The following AKAP13 variants were observed in gnomAD, a reference collection of about 807,000 sequenced individuals.
The protein encoded by AKAP13 is A-kinase anchor protein 13.
AKAP13 carries 80 observed loss-of-function variants against 264.5 expected under a neutral mutation model. That is an observed-to-expected ratio of 0.30 (90% CI 0.25 to 0.36). The LOEUF is 0.36. Among genes scored for constraint, AKAP13 ranks in the 10% least tolerant of loss-of-function variants. The pLI is 1.00. For synonymous variants in AKAP13, 1,380 were observed against 1,250.2 expected, an observed-to-expected ratio of 1.10 and a Z score of -2.19; for missense variants, 3,712 against 3,435.2, an observed-to-expected ratio of 1.08 and a Z score of -2.01.
chr15:85,439,538 T>C (rs370090092), intron 1 of AKAP13, among the ~76,000 whole-genome samples: 4 of 149,338 alleles, frequency 2.7e-5, no homozygotes, highest in Non-Finnish European at 4.5e-5. Flanking sequence ...TATTGCGGCA[T>C]TATTCACAAT....
intron 12 of AKAP13, chr15:85,662,524 G>C: frequency 6.3e-7 from 1 of 1,580,052 alleles, no homozygotes; most frequent in Non-Finnish European, 8.7e-7. Context: ...TTTTGGCTTG[G>C]AGCTGGCTTC....
At chr15:85,556,315 G>A (rs1221654610) in intron 5 of AKAP13, among the ~76,000 whole-genome samples, 2 of 152,146 alleles carry the variant, frequency 1.3e-5, no homozygotes, top group Non-Finnish European at 2.9e-5. Context: ...TGGCAGCACA[G>A]TAGGTTTGCT....
At chr15:85,650,783 A>AAAAAAAAAAAAAAAAAAAAAAAAAAAAT (rs2082786821) in intron 10 of AKAP13, among the ~76,000 whole-genome samples, 1 of 142,260 alleles carries the variant, frequency 7.0e-6, no homozygotes, top group Non-Finnish European at 1.5e-5. Context: ...AAAAAAAAAA[A>AAAAAAAAAAAAAAAAAAAAAAAAAAAAT]AAAAAAACAA....
intron 5 of AKAP13, among the ~76,000 whole-genome samples, chr15:85,546,321 A>AACAC (rs60271542): frequency 0.064 from 9,346 of 145,148 alleles, 368 homozygotes; most frequent in Middle Eastern, 0.077. Flanking sequence ...GTTGTTACCA[A>AACAC]ACACACACAC....
At chr15:85,503,620 G>GTTTGC (rs2076097600) in intron 2 of AKAP13, among the ~76,000 whole-genome samples, 1 of 152,210 alleles carries the variant, frequency 6.6e-6, no homozygotes, top group Admixed American at 6.5e-5. Flanking sequence ...AAACCTGATG[G>GTTTGC]ACTCATGGAA....
chr15:85,706,917 C>T (rs2086305888), intron 17 of AKAP13, among the ~76,000 whole-genome samples: 1 of 152,184 alleles, frequency 6.6e-6, no homozygotes, highest in East Asian at 1.9e-4. Flanking sequence ...CTAGCAGTCT[C>T]CTTTCTGGTT....
At chr15:85,709,085 G>C (rs567000562) in intron 18 of AKAP13, among the ~76,000 whole-genome samples, 21 of 152,288 alleles carry the variant, frequency 1.4e-4, no homozygotes, top group African/African-American at 4.8e-4. Context: ...TTTGGCTCAT[G>C]TAGTATTTTT....
chr15:85,623,632 C>G (rs976714480), intron 8 of AKAP13, among the ~76,000 whole-genome samples: 1 of 152,200 alleles, frequency 6.6e-6, no homozygotes. Flanking sequence ...CTCTTCTGTC[C>G]CATCATCAAC....
chr15:85,442,514 A>ATATAT (rs1299134361), intron 1 of AKAP13, among the ~76,000 whole-genome samples: 3 of 111,450 alleles, frequency 2.7e-5, no homozygotes, highest in African/African-American at 9.9e-5. Context: ...TATATATAAT[A>ATATAT]TATATTATAT....
Position 85,693,456 on chromosome 15 carries a change from G to A in AKAP13, c.5464+5G>A. On this transcript the variant is annotated splice_donor_5th_base_variant and intron_variant, in intron 17 of 36. Coordinates refer to ENST00000394518, the MANE Select transcript of AKAP13 (RefSeq NM_007200.5). ...AAGATGCCTATACTTGTGCAAGTAA[G>A]AGACATGCTTCTTCCTCTCGTAAGA... 1 of 1,611,022 alleles carries A rather than the reference G, an allele frequency of 6.2e-7. No homozygotes were observed. Among genetic ancestry groups the A allele is most frequent in the Non-Finnish European group, 8.5e-7 (1 of 1,179,232 alleles).
At chr15:85,617,080 G>T (rs1237893014) in intron 8 of AKAP13, among the ~76,000 whole-genome samples, 2 of 152,142 alleles carry the variant, frequency 1.3e-5, no homozygotes, top group African/African-American at 4.8e-5. Context: ...TTTGAAACAA[G>T]TTTCTCTCTC....
At chr15:85,702,737 T>C (rs1299809270) in intron 17 of AKAP13, 2 of 152,236 alleles carry the variant, frequency 1.3e-5, no homozygotes, top group African/African-American at 2.4e-5. Flanking sequence ...GGACTTTTTA[T>C]CTCAGCCAAA....
At position 85,538,513 on chromosome 15, in the gene AKAP13, G is replaced by A. The variant is rs1418186006; in HGVS notation, c.478+4633G>A. 1.3e-4 allele frequency among the ~76,000 whole-genome samples: 19 copies of A among 144,946 alleles called. No individual in the cohort carries two copies. The East Asian group carries it at 3.4e-3, about 26-fold the overall frequency. ...TTCTTTTTTTTTTTTTTTTTGAGAC[G>A]GAGTCTCGCTCTGTCGCCCAGGCTG... is the stretch of plus-strand genomic sequence containing the variant. On this transcript the variant is annotated intron_variant, in intron 4 of 36. Coordinates refer to ENST00000394518, the MANE Select transcript of AKAP13 (RefSeq NM_007200.5).
chr15:85,743,888 A>G (rs1057491958), intron 36 of AKAP13, 63 bp downstream of exon 36: 2 of 1,525,514 alleles, frequency 1.3e-6, no homozygotes, highest in Non-Finnish European at 1.8e-6. Flanking sequence ...GAGAGGGTAG[A>G]TTTTAGTGGC....
rs1056376919 is a variant in AKAP13 at position 85,465,683 on chromosome 15, T to C, written c.-11-20027T>C. ...CATGTCCCTACAAAGGACATGAACTTATCATTTTTTATGGCCGCATAGTAT... is the reference window on the plus strand; with the variant it reads ...CATGTCCCTACAAAGGACATGAACTCATCATTTTTTATGGCCGCATAGTAT... On this transcript the variant is annotated intron_variant, in intron 1 of 36. Coordinates refer to ENST00000394518, the MANE Select transcript of AKAP13 (RefSeq NM_007200.5). 1.1e-4 allele frequency among the ~76,000 whole-genome samples: 16 copies of C among 151,686 alleles called. No homozygotes were observed. In the East Asian group the frequency reaches 2.1e-3, roughly 20 times the overall value.
chr15:85,549,318 T>G (rs772673875), intron 5 of AKAP13, among the ~76,000 whole-genome samples: 9 of 152,196 alleles, frequency 5.9e-5, no homozygotes, highest in Non-Finnish European at 1.2e-4. Flanking sequence ...CTTCCACCCT[T>G]ATAAGAAGAG....
intron 9 of AKAP13, among the ~76,000 whole-genome samples, chr15:85,639,729 C>A (rs1203337483): frequency 6.6e-6 from 1 of 152,186 alleles, no homozygotes; most frequent in African/African-American, 2.4e-5. Context: ...GATTTTTAAT[C>A]TGGTAAAAGT....
intron 2 of AKAP13, among the ~76,000 whole-genome samples, chr15:85,517,092 C>G (rs2151139756): frequency 6.6e-6 from 1 of 152,308 alleles, no homozygotes; most frequent in South Asian, 2.1e-4. Context: ...CCTACACAAG[C>G]CAGCTCCAGT....
At chr15:85,669,166 C>CAG (rs2083773640) in intron 13 of AKAP13, among the ~76,000 whole-genome samples, 1 of 152,088 alleles carries the variant, frequency 6.6e-6, no homozygotes, top group South Asian at 2.1e-4. Context: ...AACCTGGAGG[C>CAG]AGAGGTTGCA....
Sources: gnomAD v4.1 joint callset for allele counts (sites outside exome capture counted in the v4.1 genomes callset) on GRCh38, gnomAD v4.1.1 for gene constraint, MANE v1.5 for transcripts, NCBI Gene and HGNC (gene_info 2026-07-23, HGNC 2026-07-21) for gene names.